TACC2: variants seen among roughly 807,000 people sequenced by gnomAD.
TACC2 encodes transforming acidic coiled-coil containing protein 2, also known as transforming acidic coiled-coil-containing protein 2.
A neutral mutation model predicts 227.3 loss-of-function variants in TACC2; 137 were observed. The observed-to-expected ratio is 0.60, with a 90% CI of 0.52 to 0.69. The LOEUF is 0.69. TACC2 is among the 30% of genes least tolerant of loss of function. TACC2 has a pLI of 0.00. For synonymous variants in TACC2, 1,523 were observed against 1,487.5 expected (o/e 1.02, Z -0.55); for missense variants, 3,470 against 3,694.4 (o/e 0.94, Z 1.57).
Position 122,087,110 on chromosome 10 carries a change from C to T in TACC2, c.4610C>T (p.Ala1537Val), listed in dbSNP as rs767804940. 35 of 1,609,038 alleles carry T rather than the reference C, an allele frequency of 2.2e-5. No homozygotes were observed. The highest frequency in any genetic ancestry group is 2.9e-5 in the Non-Finnish European group (34 of 1,178,280). Residue 1537 changes from alanine to valine, a missense_variant, in exon 4 of 23, where the codon GCC (alanine) becomes GTC (valine). Coordinates refer to ENST00000369005, the MANE Select transcript of TACC2 (RefSeq NM_206862.4). ...GAGAGGCCAGAGGGGCCTGGGGCAG[C>T]CTGGCCAGGCCTGGAAGGCCAGGCT... The part of the protein sequence containing the change: ...EDERPEGPGA[A>V]WPGLEGQAYS...
At chr10:121,995,831 G>A (rs560152988) in intron 1 of TACC2, among the ~76,000 whole-genome samples, 1 of 152,012 alleles carries the variant, frequency 6.6e-6, no homozygotes, top group Admixed American at 6.5e-5. Context: ...TTGGCTCACT[G>A]CAACTTCCGC....
chr10:122,164,484 G>T (rs1206725457), intron 7 of TACC2, among the ~76,000 whole-genome samples: 1 of 152,216 alleles, frequency 6.6e-6, no homozygotes, highest in East Asian at 1.9e-4. Flanking sequence ...ATACTCTGGT[G>T]AACACTCGAG....
rs2095076497 is a variant in TACC2, at chr10:122,205,631, G to C, written c.5972-4766G>C. On this transcript the variant is annotated intron_variant, in intron 8 of 22. Transcript: ENST00000369005. The surrounding 1 kb of genome is among the most constrained non-coding windows in gnomAD (Gnocchi z 4.5). The stretch of plus-strand genomic sequence containing the variant: ...AGCCCAGTTCCAGACTTCCCGATGA[G>C]GAGGCGCACCTGTGGCACCTGTTAC... Among the ~76,000 whole-genome samples the C allele has an allele frequency of 6.6e-6, 1 of 152,218 alleles. No homozygotes were observed. Among genetic ancestry groups the C allele is most frequent in the African/African-American group, 2.4e-5 (1 of 41,468 alleles).
intron 2 of TACC2, among the ~76,000 whole-genome samples, chr10:122,040,084 CAG>C (rs1491349129): frequency 6.6e-6 from 1 of 152,200 alleles, no homozygotes; most frequent in Non-Finnish European, 1.5e-5. Flanking sequence ...AGGCTGTTCT[CAG>C]GGGGCTCTAA....
At chr10:122,120,159 C>T (rs1216672575) in intron 5 of TACC2, among the ~76,000 whole-genome samples, 1 of 152,260 alleles carries the variant, frequency 6.6e-6, no homozygotes, top group East Asian at 1.9e-4. Context: ...AGTAAGGTCT[C>T]CTGGGGAGCT....
At chr10:122,105,302 C>A (rs2082624393) in intron 5 of TACC2, among the ~76,000 whole-genome samples, 1 of 152,184 alleles carries the variant, frequency 6.6e-6, no homozygotes, top group Non-Finnish European at 1.5e-5. Flanking sequence ...AGTTACCCAG[C>A]CAGCCTTGGA....
intron 5 of TACC2, among the ~76,000 whole-genome samples, chr10:122,107,307 C>T (rs1019966207): frequency 6.6e-5 from 10 of 151,708 alleles, no homozygotes; most frequent in Non-Finnish European, 1.2e-4. Flanking sequence ...GGCCGAGGCG[C>T]GTGGATCACT....
At chr10:122,185,936 T>C (rs1272119861) in intron 7 of TACC2, among the ~76,000 whole-genome samples, 1 of 152,238 alleles carries the variant, frequency 6.6e-6, no homozygotes, top group Non-Finnish European at 1.5e-5. Context: ...CATTTTCCTT[T>C]CTTCCTTTTT....
At chr10:121,990,464 A>G (rs969232510) in intron 1 of TACC2, among the ~76,000 whole-genome samples, 11 of 152,026 alleles carry the variant, frequency 7.2e-5, no homozygotes, top group African/African-American at 2.4e-4. Flanking sequence ...TTTCGTTTTC[A>G]ATTTTGTTTT....
chr10:122,242,334 G>A (rs1014889025), intron 19 of TACC2, among the ~76,000 whole-genome samples: 5 of 152,098 alleles, frequency 3.3e-5, no homozygotes, highest in Admixed American at 1.3e-4. Context: ...TTTTCTTTTC[G>A]CTTGTGGGAG....
At chr10:122,248,983 G>T (rs2096193177) in intron 20 of TACC2, 67 bp from the exon 21 acceptor site, 3 of 1,522,302 alleles carry the variant, frequency 2.0e-6, no homozygotes, top group Non-Finnish European at 2.7e-6. Flanking sequence ...GAGTTCCTGG[G>T]GTTCCCACCA....
chr10:122,249,720 C>G, intron 22 of TACC2, 56 bp downstream of exon 22: 3 of 1,559,370 alleles, frequency 1.9e-6, no homozygotes. Flanking sequence ...CTCTGTGCTG[C>G]TGGCCAGTCC....
intron 9 of TACC2, among the ~76,000 whole-genome samples, chr10:122,214,996 T>TG (rs746606916): frequency 3.3e-5 from 5 of 152,164 alleles, no homozygotes; most frequent in Non-Finnish European, 7.4e-5. Context: ...GTCTGTAAAT[T>TG]GGTGTCCTGA....
At position 121,993,303 on chromosome 10, in the gene TACC2, T is replaced by C. The variant is rs143589709; in HGVS notation, c.-46+3815T>C. On this transcript the variant is annotated intron_variant, in intron 1 of 22. Coordinates refer to ENST00000369005, the MANE Select transcript of TACC2 (RefSeq NM_206862.4). Reference sequence around the variant, plus strand: ...GAGTTGTAGTCACTTGAATTTGCACTCTGAATACTAGAATAATTTTGAAAA... The same window carrying C: ...GAGTTGTAGTCACTTGAATTTGCACCCTGAATACTAGAATAATTTTGAAAA... Among the ~76,000 whole-genome samples the C allele has an allele frequency of 1.1e-3, 166 of 152,350 alleles. 1 individual carries two copies. In the East Asian group the frequency reaches 0.012, roughly 11 times the overall value.
At chr10:122,010,682 C>T (rs552197049) in intron 1 of TACC2, among the ~76,000 whole-genome samples, 4 of 152,258 alleles carry the variant, frequency 2.6e-5, no homozygotes, top group East Asian at 3.9e-4. Context: ...AGTCTTCCCT[C>T]GTGTGGCATC....
In TACC2 at chr10:122,168,402, G is replaced by C. The variant is rs899038345; in HGVS notation, c.5834+24696G>C. Among the ~76,000 whole-genome samples the C allele has an allele frequency of 2.9e-4, 44 of 152,288 alleles. 1 individual carries two copies. The highest frequency in any genetic ancestry group is 2.5e-3 in the Admixed American group (39 of 15,300). On this transcript the variant is annotated intron_variant, in intron 7 of 22. Transcript: ENST00000369005. ...AAGCTGCAACATTATCTGTAGAGTG[G>C]GAGGGGGAGATTGATTCCCAAAGGA... is the stretch of plus-strand genomic sequence containing the variant.
At chr10:122,041,828 G>T (rs1233440861) in intron 2 of TACC2, among the ~76,000 whole-genome samples, 1 of 152,280 alleles carries the variant, frequency 6.6e-6, no homozygotes, top group East Asian at 1.9e-4. Flanking sequence ...GAGGGTCGGT[G>T]CTAGTTTTCA....
Position 122,248,281 on chromosome 10 carries a change from C to T in TACC2, c.8393-362C>T, listed in dbSNP as rs985575896. The T allele has an allele frequency of 8.2e-5, 17 of 208,166 alleles. No individual in the cohort carries two copies. The East Asian group carries it at 1.1e-3, about 13-fold the overall frequency. The allele number at this position is 208,166 out of a possible 1,614,324, so 12.9% of individuals were successfully genotyped here. A position where few individuals can be genotyped will look rare whatever the true frequency, so the allele number is the denominator to read the frequency against. On this transcript the variant is annotated intron_variant, in intron 19 of 22. Coordinates refer to ENST00000369005, the MANE Select transcript of TACC2 (RefSeq NM_206862.4). Reference sequence around the variant, plus strand: ...ATCGTCCCAACGCAAAATTCACTAGCGATGTCTTCTTTTTTACTTTACGGA... The same window carrying T: ...ATCGTCCCAACGCAAAATTCACTAGTGATGTCTTCTTTTTTACTTTACGGA...
rs528871802 is a variant in TACC2 at position 122,107,687 on chromosome 10, T to G, written c.5573+19096T>G. Among the ~76,000 whole-genome samples, 91 of 151,016 alleles carry G rather than the reference T, an allele frequency of 6.0e-4. 1 individual carries two copies. Among genetic ancestry groups the G allele is most frequent in the African/African-American group, 2.2e-3 (89 of 41,346 alleles). On this transcript the variant is annotated intron_variant, in intron 5 of 22. Transcript: ENST00000369005. ...TTCTTTTTTAAAACATATATATATA[T>G]ATATTTCAATAGGTTTTTGGGGAGC... is the stretch of plus-strand genomic sequence containing the variant.
Sources: allele counts gnomAD v4.1 joint callset (sites outside exome capture counted in the v4.1 genomes callset), GRCh38; gene constraint gnomAD v4.1.1; non-coding constraint Gnocchi (gnomAD v3.1); transcripts MANE v1.5; gene names NCBI Gene and HGNC (gene_info 2026-07-23, HGNC 2026-07-21).